The following PTP4A1 variants were observed in gnomAD, a reference collection of about 807,000 sequenced individuals.
The protein encoded by PTP4A1 is protein tyrosine phosphatase type IVA 1.
In PTP4A1, 9 loss-of-function variants were observed where a neutral mutation model predicts 20.5. The ratio of observed to expected loss-of-function variants is 0.44; its 90% CI spans 0.26 to 0.77. The LOEUF (loss-of-function observed/expected upper bound fraction) is 0.77. Ranked by LOEUF, PTP4A1 falls within the 30% of genes least tolerant of loss-of-function variation. The pLI is 0.19. For missense variants in PTP4A1, 137 were observed against 218.8 expected (o/e 0.63, Z 2.36); for synonymous variants, 78 against 67.4 (o/e 1.16, Z -0.77).
rs1776779502 is a variant in PTP4A1, at chr6:63,558,409, A to T, written c.-446+7916A>T. 2.0e-5 allele frequency among the ~76,000 whole-genome samples: 3 copies of T among 152,320 alleles called. No individual in the cohort carries two copies. In the South Asian group the frequency reaches 6.2e-4, roughly 32 times the overall value. On this transcript the variant is annotated intron_variant, in intron 3 of 3. Coordinates refer to the PTP4A1 transcript ENST00000639568. ...TGAGCCACTGCTCTCCAGACTCAAT[A>T]GAATGTGGTAGCCAGTCAGACAGAA...
chr6:63,551,984 G>A (rs1389382815), intron 3 of PTP4A1, among the ~76,000 whole-genome samples: 3 of 152,144 alleles, frequency 2.0e-5, no homozygotes, highest in Non-Finnish European at 2.9e-5. Context: ...GCTATTGTGA[G>A]TAGTGCCACA....
intron 2 of PTP4A1, among the ~76,000 whole-genome samples, chr6:63,543,200 C>T (rs79051763): frequency 0.025 from 3,757 of 152,302 alleles, 69 homozygotes; most frequent in Middle Eastern, 0.048. Flanking sequence ...GTTTGCCAGA[C>T]TTGTCCCTGT....
intron 3 of PTP4A1, among the ~76,000 whole-genome samples, chr6:63,558,343 G>T (rs1445838709): frequency 6.6e-6 from 1 of 152,058 alleles, no homozygotes; most frequent in East Asian, 1.9e-4. Flanking sequence ...GAACAAATAA[G>T]GCTTTTGACA....
chr6:63,581,520 A>C lies in PTP4A1; in HGVS notation c.*1346A>C, dbSNP rs1043419325. 2.0e-5 allele frequency: 3 copies of C among 152,432 alleles called. No individual in the cohort carries two copies. Among genetic ancestry groups the C allele is most frequent in the Non-Finnish European group, 2.9e-5 (2 of 67,998 alleles). 9.4% of individuals were successfully genotyped at this position (152,432 alleles called of 1,614,324 possible). ...AGACAAAATGAATTGCACTTCACTT[A>C]ATGTGTGTCCTCATCTTTTTACAAA... is the stretch of plus-strand genomic sequence containing the variant. On this transcript the variant is annotated 3_prime_UTR_variant, in exon 6 of 6. Coordinates refer to ENST00000626021, the MANE Select transcript of PTP4A1 (RefSeq NM_003463.5).
upstream of PTP4A1, among the ~76,000 whole-genome samples, chr6:63,569,201 A>G (rs1027510037): frequency 1.1e-4 from 17 of 152,152 alleles, no homozygotes; most frequent in African/African-American, 3.9e-4. Flanking sequence ...AGATTTGCCA[A>G]TCTTCCTCTG....
At chr6:63,531,512 C>CTTTTTTTTTTTTTTTT (rs753354152) in intron 2 of PTP4A1, among the ~76,000 whole-genome samples, 1 of 128,538 alleles carries the variant, frequency 7.8e-6, no homozygotes, top group African/African-American at 2.9e-5. Flanking sequence ...ATCTATTATG[C>CTTTTTTTTTTTTTTTT]TTTTTTTTTT....
At chr6:63,571,095 G>A (rs762778878), upstream of PTP4A1, 1 of 152,122 alleles carries the variant, frequency 6.6e-6, no homozygotes, top group Non-Finnish European at 1.5e-5. Flanking sequence ...TGTGTCGTAG[G>A]TGAGCCATTT....
intron 2 of PTP4A1, among the ~76,000 whole-genome samples, chr6:63,545,546 G>A (rs984946079): frequency 6.6e-6 from 1 of 152,108 alleles, no homozygotes; most frequent in Non-Finnish European, 1.5e-5. Flanking sequence ...GGGAGGCAGA[G>A]GTTGCAGTGA....
chr6:63,551,993 C>T (rs1776467134), intron 3 of PTP4A1, among the ~76,000 whole-genome samples: 1 of 152,176 alleles, frequency 6.6e-6, no homozygotes, highest in Non-Finnish European at 1.5e-5. Flanking sequence ...AGTAGTGCCA[C>T]AATAAACATA....
At chr6:63,557,184 C>A (rs1303955276) in intron 3 of PTP4A1, among the ~76,000 whole-genome samples, 1 of 152,146 alleles carries the variant, frequency 6.6e-6, no homozygotes, top group Non-Finnish European at 1.5e-5. Flanking sequence ...GGGATGAATG[C>A]TGCAATAGAG....
intron 3 of PTP4A1, among the ~76,000 whole-genome samples, chr6:63,565,658 T>C (rs1214781026): frequency 6.6e-6 from 1 of 152,218 alleles, no homozygotes; most frequent in East Asian, 1.9e-4. Context: ...CAGGCAGCTA[T>C]TGGCCTTTGG....
intron 2 of PTP4A1, among the ~76,000 whole-genome samples, chr6:63,543,681 A>G (rs944174944): frequency 1.3e-5 from 2 of 152,190 alleles, no homozygotes; most frequent in Admixed American, 6.5e-5. Flanking sequence ...CAAGAGCCCA[A>G]TATTTGAGAA....
Position 63,572,502 on chromosome 6 carries a change from C to A in PTP4A1, c.-663C>A, listed in dbSNP as rs918578456. 5.1e-6 allele frequency: 2 copies of A among 390,368 alleles called. No homozygotes were observed. The highest frequency in any genetic ancestry group is 4.5e-6 in the Non-Finnish European group (1 of 220,804). 24.2% of individuals were successfully genotyped at this position (390,368 alleles called of 1,614,324 possible). ...GGCGCCTCGGCGCGTGTATTGGCTC[C>A]TTCGGCTGCGGGCCGGCTCGGCTAC... is the stretch of plus-strand genomic sequence containing the variant. On this transcript the variant is annotated 5_prime_UTR_variant, in exon 1 of 6. Transcript: ENST00000626021.
chr6:63,531,092 T>G (rs142477828), intron 2 of PTP4A1, among the ~76,000 whole-genome samples: 2 of 152,304 alleles, frequency 1.3e-5, no homozygotes, highest in East Asian at 1.9e-4. Context: ...CAAAGATAGA[T>G]CAGGTTTCAA....
chr6:63,575,618 TCA>T (rs1290270035), intron 1 of PTP4A1, among the ~76,000 whole-genome samples: 2 of 152,200 alleles, frequency 1.3e-5, no homozygotes, highest in African/African-American at 4.8e-5. Flanking sequence ...GAGTTGGATT[TCA>T]GTTTTGAGTT....
chr6:63,569,838 C>T (rs1308705237), upstream of PTP4A1, among the ~76,000 whole-genome samples: 1 of 152,152 alleles, frequency 6.6e-6, no homozygotes, highest in Non-Finnish European at 1.5e-5. Context: ...TAGAGACCCA[C>T]TTTAAATAAG....
At chr6:63,532,405 C>A (rs1051569158) in intron 2 of PTP4A1, among the ~76,000 whole-genome samples, 1 of 152,140 alleles carries the variant, frequency 6.6e-6, no homozygotes, top group Non-Finnish European at 1.5e-5. Context: ...TCACATACTA[C>A]CAGTACCAGC....
rs1778017952 is a variant in PTP4A1 at position 63,578,506 on chromosome 6, G to A, written c.175G>A (p.Glu59Lys). ...AGCAACTTATGACACTACTCTTGTG[G>A]AGAAAGAAGGTATCCATGTTCTTGT... ...CEATYDTTLVEKEGIHVLDWP... is the reference protein window; with the variant it reads ...CEATYDTTLVKKEGIHVLDWP... The change falls in exon 3 of 6, where the codon GAG becomes AAG. Residue 59 changes from glutamate to lysine, a missense_variant. Glu to Lys is a moderately conservative substitution (Grantham distance 56). Coordinates refer to ENST00000626021, the MANE Select transcript of PTP4A1 (RefSeq NM_003463.5). 6.2e-7 allele frequency: 1 copy of A among 1,611,982 alleles called. No homozygotes were observed.
At chr6:63,554,753 C>T (rs1214846256) in intron 3 of PTP4A1, among the ~76,000 whole-genome samples, 16 of 152,160 alleles carry the variant, frequency 1.1e-4, no homozygotes. Flanking sequence ...CACCACTACA[C>T]TCTAGCCTGG....
Sources: allele counts gnomAD v4.1 joint callset (sites outside exome capture counted in the v4.1 genomes callset), GRCh38; gene constraint gnomAD v4.1.1; transcripts MANE v1.5; gene names NCBI Gene and HGNC (gene_info 2026-07-23, HGNC 2026-07-21).